Variants in TSPAN12 observed in about 807,000 individuals in gnomAD.
The protein encoded by TSPAN12 is tetraspanin 12, also known as tetraspanin-12.
In TSPAN12, 19 loss-of-function variants were observed where a neutral mutation model predicts 39.2. The observed-to-expected ratio is 0.49, with a 90% CI of 0.34 to 0.71. The LOEUF is 0.71. Among genes scored for constraint, TSPAN12 ranks in the 30% least tolerant of loss-of-function variants. The pLI, the probability that TSPAN12 is intolerant of heterozygous loss-of-function variation, is 0.01. For synonymous variants in TSPAN12, 119 were observed against 124.8 expected, an observed-to-expected ratio of 0.95 and a Z score of 0.31; for missense variants, 314 against 359.9, an observed-to-expected ratio of 0.87 and a Z score of 1.03.
At chr7:120,843,989 G>T (rs754499463) in intron 2 of TSPAN12, among the ~76,000 whole-genome samples, 57 of 152,270 alleles carry the variant, frequency 3.7e-4, no homozygotes, top group Non-Finnish European at 5.6e-4. Context: ...TTGGCTCATG[G>T]TTCCTCAGGC....
chr7:120,835,484 G>A (rs983526360), intron 4 of TSPAN12, among the ~76,000 whole-genome samples: 1 of 152,138 alleles, frequency 6.6e-6, no homozygotes, highest in Non-Finnish European at 1.5e-5. Context: ...TACAAATATT[G>A]GAACTAGACT....
At chr7:120,793,218 T>C (rs1385047281) in intron 7 of TSPAN12, among the ~76,000 whole-genome samples, 1 of 152,258 alleles carries the variant, frequency 6.6e-6, no homozygotes, top group Non-Finnish European at 1.5e-5. Flanking sequence ...ATTCTGTCAA[T>C]GTTTCTTTGA....
At chr7:120,847,491 C>G (rs1328699778) in intron 2 of TSPAN12, among the ~76,000 whole-genome samples, 4 of 152,198 alleles carry the variant, frequency 2.6e-5, no homozygotes. Flanking sequence ...CTAAACTTAC[C>G]TCCATTCCTC....
At chr7:120,852,511 G>A (rs1794788709) in intron 2 of TSPAN12, among the ~76,000 whole-genome samples, 1 of 152,214 alleles carries the variant, frequency 6.6e-6, no homozygotes, top group African/African-American at 2.4e-5. Context: ...ACTCAGACCA[G>A]CAACATTGGC....
rs184805572 is a variant in TSPAN12 at position 120,813,809 on chromosome 7, G to A, written c.360+1920C>T. Among the ~76,000 whole-genome samples the A allele has an allele frequency of 2.6e-5, 4 of 152,264 alleles. No homozygotes were observed. In the East Asian group the frequency reaches 7.7e-4, roughly 29 times the overall value. The stretch of plus-strand genomic sequence containing the variant: ...TCTTGACCAGTAAACCACAGAAACC[G>A]ATTCCCTGGAGTCAAGTACTTTATC... On this transcript the variant is annotated intron_variant, in intron 5 of 7. Transcript: ENST00000222747.
intron 2 of TSPAN12, among the ~76,000 whole-genome samples, chr7:120,851,471 T>C (rs182657890): frequency 2.0e-5 from 3 of 152,320 alleles, no homozygotes. Flanking sequence ...GTTTATATTA[T>C]ACATTTAGAA....
At position 120,810,514 on chromosome 7, in the gene TSPAN12, T is replaced by A; in HGVS notation, c.417A>T (p.Gly139=). Residue 139 remains glycine, a synonymous_variant, in exon 6 of 8, where the codon GGA becomes GGT. Transcript: ENST00000222747. ...VTLKARMTNY[G]LPRYRWLTHA... ...GAGTAAGCCACCGATATCTAGGTAA[T>A]CCATAATTTGTCATCCTGGCTTTCA... The A allele has an allele frequency of 6.2e-7, 1 of 1,613,886 alleles. No individual in the cohort carries two copies. The highest frequency in any genetic ancestry group is 8.5e-7 in the Non-Finnish European group (1 of 1,179,938).
At chr7:120,797,358 T>C (rs1208383083) in intron 7 of TSPAN12, among the ~76,000 whole-genome samples, 3 of 152,246 alleles carry the variant, frequency 2.0e-5, no homozygotes, top group Non-Finnish European at 4.4e-5. Flanking sequence ...GAAGACAAGA[T>C]ATTTAAAAGG....
chr7:120,805,254 G>A (rs897872590), intron 7 of TSPAN12, among the ~76,000 whole-genome samples: 7 of 152,038 alleles, frequency 4.6e-5, no homozygotes, highest in African/African-American at 1.7e-4. Flanking sequence ...GAATATAATG[G>A]ATCACTTGTA....
At position 120,788,761 on chromosome 7, in the gene TSPAN12, T is replaced by A; in HGVS notation, c.749A>T (p.Tyr250Phe). 2 of 1,614,122 alleles carry A rather than the reference T, an allele frequency of 1.2e-6. No individual in the cohort carries two copies. The highest frequency in any genetic ancestry group is 2.2e-5 in the South Asian group (2 of 91,086). The change falls in exon 8 of 8, where the codon TAT becomes TTT. Residue 250 changes from tyrosine (Y) to phenylalanine (F), a missense_variant. Physicochemically the swap from Tyr to Phe is conservative, Grantham distance 22. Transcript: ENST00000222747. ...LTITLLWALY[Y>F]DRREPGTDQM... ...GTCTGTCCCCGGCTCCCTTCTATCA[T>A]AATACAGAGCCCAGAGCAGAGTAAT... is the stretch of plus-strand genomic sequence containing the variant.
intron 2 of TSPAN12, among the ~76,000 whole-genome samples, chr7:120,847,252 A>C (rs2116491698): frequency 6.6e-6 from 1 of 152,044 alleles, no homozygotes; most frequent in South Asian, 2.1e-4. Context: ...AAAAAACAAA[A>C]AACCAGAGTG....
At chr7:120,836,166 A>G (rs1441745815) in intron 4 of TSPAN12, among the ~76,000 whole-genome samples, 4 of 152,206 alleles carry the variant, frequency 2.6e-5, no homozygotes, top group African/African-American at 9.6e-5. Context: ...GCAGCTATTT[A>G]GAGGAGTGGG....
intron 4 of TSPAN12, among the ~76,000 whole-genome samples, chr7:120,831,287 C>T (rs190470639): frequency 4.4e-4 from 67 of 152,140 alleles, no homozygotes; most frequent in African/African-American, 8.9e-4. Context: ...AGCAATCTCA[C>T]TTCTGAGTGT....
intron 7 of TSPAN12, among the ~76,000 whole-genome samples, chr7:120,803,856 T>C (rs1320105774): frequency 2.0e-5 from 3 of 152,164 alleles, no homozygotes; most frequent in Non-Finnish European, 2.9e-5. Flanking sequence ...TATAAAGTAG[T>C]ATTATTAGTG....
chr7:120,840,004 C>G, intron 3 of TSPAN12, 23 bp downstream of exon 3: 1 of 1,564,360 alleles, frequency 6.4e-7, no homozygotes, highest in Non-Finnish European at 8.8e-7. Flanking sequence ...AGAAAGAATT[C>G]AATCAATAAT....
At chr7:120,840,321 G>C (rs139216056) in intron 2 of TSPAN12, among the ~76,000 whole-genome samples, 6 of 152,274 alleles carry the variant, frequency 3.9e-5, no homozygotes, top group African/African-American at 1.4e-4. Context: ...ATGGGATACA[G>C]AAAACAAAAC....
At position 120,787,956 on chromosome 7, in the gene TSPAN12, A is replaced by C. The variant is rs1793440659; in HGVS notation, c.*636T>G. On this transcript the variant is annotated 3_prime_UTR_variant, in exon 8 of 8. Coordinates refer to ENST00000222747, the MANE Select transcript of TSPAN12 (RefSeq NM_012338.4). ...AATGGTTATTCTTAACATTATCAGA[A>C]CTGAAATCGACTGAATTATACAGAT... The C allele has an allele frequency of 6.5e-6, 1 of 153,336 alleles. No homozygotes were observed. Among genetic ancestry groups the C allele is most frequent in the Non-Finnish European group, 1.5e-5 (1 of 68,628 alleles). 9.5% of individuals were successfully genotyped at this position (153,336 alleles called of 1,614,324 possible). A position where few individuals can be genotyped will look rare whatever the true frequency, so the allele number is the denominator to read the frequency against.
At chr7:120,857,047 A>G in intron 1 of TSPAN12, 1 of 521,048 alleles carries the variant, frequency 1.9e-6, no homozygotes, top group South Asian at 2.0e-5. Flanking sequence ...ACCTGCTGGG[A>G]AAAGAAAAGA....
chr7:120,858,041 T>G lies in TSPAN12; in HGVS notation c.-292A>C, dbSNP rs568282206. ...GTCCTGGGCAGCAGTTGCTGGAAAG[T>G]CTCTGCTAAGCCACCTCCCAGCGCC... On this transcript the variant is annotated 5_prime_UTR_variant, in exon 1 of 8. Coordinates refer to ENST00000222747, the MANE Select transcript of TSPAN12 (RefSeq NM_012338.4). 1.3e-5 allele frequency: 2 copies of G among 149,096 alleles called. No individual in the cohort carries two copies. Among genetic ancestry groups the G allele is most frequent in the African/African-American group, 4.9e-5 (2 of 40,578 alleles). 9.2% of individuals were successfully genotyped at this position (149,096 alleles called of 1,614,324 possible).
Sources: allele counts gnomAD v4.1 joint callset (sites outside exome capture counted in the v4.1 genomes callset), GRCh38; gene constraint gnomAD v4.1.1; transcripts MANE v1.5; gene names NCBI Gene and HGNC (gene_info 2026-07-23, HGNC 2026-07-21).